The following DLG2 variants were observed in gnomAD, a reference collection of about 807,000 sequenced individuals.
The protein encoded by DLG2 is disks large homolog 2.
DLG2 carries 45 observed loss-of-function variants against 132.5 expected under a neutral mutation model. That is an observed-to-expected ratio of 0.34 (90% CI 0.27 to 0.44). The LOEUF (loss-of-function observed/expected upper bound fraction) is 0.44. Among genes scored for constraint, DLG2 ranks in the 20% least tolerant of loss-of-function variants. DLG2 has a pLI of 1.00. For synonymous variants in DLG2, 424 were observed against 419.6 expected (o/e 1.01, Z -0.13); for missense variants, 1,045 against 1,196.9 (o/e 0.87, Z 1.87).
chr11:84,476,138 C>A (rs1192027589), intron 7 of DLG2, among the ~76,000 whole-genome samples: 1 of 152,004 alleles, frequency 6.6e-6, no homozygotes, highest in Non-Finnish European at 1.5e-5. Flanking sequence ...TACATGAGTA[C>A]CCTGTTGTTC....
At chr11:85,492,339 C>T (rs936092675) in intron 3 of DLG2, among the ~76,000 whole-genome samples, 3 of 152,054 alleles carry the variant, frequency 2.0e-5, no homozygotes, top group Admixed American at 6.6e-5. Context: ...ATTGTAATTG[C>T]TATTAATTAC....
intron 6 of DLG2, among the ~76,000 whole-genome samples, chr11:84,809,609 T>A (rs1363931282): frequency 1.3e-5 from 2 of 151,990 alleles, no homozygotes; most frequent in Non-Finnish European, 2.9e-5. Context: ...CATAATCAGT[T>A]GTGTTTCTAC....
intron 19 of DLG2, among the ~76,000 whole-genome samples, chr11:83,617,806 G>A (rs1284394195): frequency 6.6e-6 from 1 of 152,144 alleles, no homozygotes; most frequent in Non-Finnish European, 1.5e-5. Context: ...AGAACAGCCT[G>A]ACCAACATGG....
chr11:85,195,545 A>T (rs2080975457), intron 4 of DLG2, among the ~76,000 whole-genome samples: 2 of 136,538 alleles, frequency 1.5e-5, no homozygotes, highest in African/African-American at 5.5e-5. Context: ...TTTTTTTGAG[A>T]CGGAGTCTCG....
intron 6 of DLG2, among the ~76,000 whole-genome samples, chr11:84,697,062 T>A (rs1254200938): frequency 1.3e-5 from 2 of 151,388 alleles, no homozygotes; most frequent in African/African-American, 4.8e-5. Context: ...AATTTTTACC[T>A]TGGGCAACGG....
chr11:84,752,025 T>C (rs550852917), intron 6 of DLG2, among the ~76,000 whole-genome samples: 1 of 152,156 alleles, frequency 6.6e-6, no homozygotes, highest in Non-Finnish European at 1.5e-5. Context: ...CACTGGAAGG[T>C]AGAAGATGGC....
intron 7 of DLG2, among the ~76,000 whole-genome samples, chr11:84,370,188 C>T (rs958797499): frequency 3.3e-5 from 5 of 152,112 alleles, no homozygotes; most frequent in African/African-American, 9.6e-5. Flanking sequence ...TTCATAGACT[C>T]GAATATATAA....
At chr11:85,041,904 G>C (rs1038539268) in intron 6 of DLG2, among the ~76,000 whole-genome samples, 10 of 151,914 alleles carry the variant, frequency 6.6e-5, no homozygotes, top group African/African-American at 2.4e-4. Flanking sequence ...GGCACACAGA[G>C]TGGTATAATG....
At chr11:83,526,741 C>T (rs982180630) in intron 21 of DLG2, among the ~76,000 whole-genome samples, 2 of 152,156 alleles carry the variant, frequency 1.3e-5, no homozygotes, top group Non-Finnish European at 2.9e-5. Context: ...AAATTGTTCC[C>T]TGTAATGAAA....
intron 7 of DLG2, among the ~76,000 whole-genome samples, chr11:84,294,440 A>G (rs2098058959): frequency 6.6e-6 from 1 of 152,138 alleles, no homozygotes; most frequent in Non-Finnish European, 1.5e-5. Context: ...TCTACTAAAA[A>G]TACAAAAATA....
At chr11:84,620,902 G>T (rs1331362031) in intron 6 of DLG2, among the ~76,000 whole-genome samples, 1 of 152,140 alleles carries the variant, frequency 6.6e-6, no homozygotes, top group Non-Finnish European at 1.5e-5. Context: ...AAATGTTGCT[G>T]CATTGTTTGC....
chr11:85,626,988 A>T (rs780831453), intron 1 of DLG2, among the ~76,000 whole-genome samples: 1 of 152,230 alleles, frequency 6.6e-6, no homozygotes. Flanking sequence ...ATTAAGGCAC[A>T]AACCAAATTT....
Position 84,099,042 on chromosome 11 carries a change from A to T in DLG2, c.630T>A (p.Asn210Lys). The T allele has an allele frequency of 6.2e-7, 1 of 1,613,098 alleles. No individual in the cohort carries two copies. The highest frequency in any genetic ancestry group is 8.5e-7 in the Non-Finnish European group (1 of 1,179,248). The change falls in exon 10 of 28, where the codon AAT (asparagine) becomes AAA (lysine). Residue 210 changes from asparagine (N) to lysine (K), a missense_variant. Coordinates refer to ENST00000376104, the MANE Select transcript of DLG2 (RefSeq NM_001142699.3). ...EFEEITLERG[N>K]SGLGFSIAGG... is the part of the protein sequence containing the mutation. ...CAGCAATACTGAATCCCAGGCCAGA[A>T]TTCCCCTATAGAAACAAAAAGCAGA...
At chr11:84,608,055 C>G (rs548588260) in intron 6 of DLG2, among the ~76,000 whole-genome samples, 16 of 152,134 alleles carry the variant, frequency 1.1e-4, no homozygotes, top group Non-Finnish European at 1.9e-4. Context: ...CCTCTAACCA[C>G]AAATTGAAGA....
intron 7 of DLG2, among the ~76,000 whole-genome samples, chr11:84,410,071 C>T (rs1469305554): frequency 1.3e-5 from 2 of 152,162 alleles, no homozygotes; most frequent in Non-Finnish European, 2.9e-5. Flanking sequence ...AACTCCTAGG[C>T]AAGAAGAGCT....
At chr11:85,302,517 G>T (rs925753376) in intron 3 of DLG2, among the ~76,000 whole-genome samples, 2 of 152,038 alleles carry the variant, frequency 1.3e-5, no homozygotes, top group Admixed American at 6.6e-5. Flanking sequence ...ACTGGTGATT[G>T]CTGAGCACCT....
intron 21 of DLG2, among the ~76,000 whole-genome samples, chr11:83,502,925 A>C (rs2094508354): frequency 6.6e-6 from 1 of 152,060 alleles, no homozygotes; most frequent in Non-Finnish European, 1.5e-5. Flanking sequence ...AGGCTTTCCT[A>C]ATTACTGTAG....
At chr11:85,096,185 A>C (rs1281181281) in intron 6 of DLG2, among the ~76,000 whole-genome samples, 1 of 152,178 alleles carries the variant, frequency 6.6e-6, no homozygotes, top group African/African-American at 2.4e-5. Flanking sequence ...GGCGGGGCCA[A>C]ATAAGGGAAT....
chr11:84,694,727 CT>C (rs2058435235), intron 6 of DLG2, among the ~76,000 whole-genome samples: 1 of 151,526 alleles, frequency 6.6e-6, no homozygotes, highest in African/African-American at 2.4e-5. Context: ...TGATTTTGAT[CT>C]GTTTATCAGA....
Sources: allele counts gnomAD v4.1 joint callset (sites outside exome capture counted in the v4.1 genomes callset), GRCh38; gene constraint gnomAD v4.1.1; transcripts MANE v1.5; gene names NCBI Gene and HGNC (gene_info 2026-07-23, HGNC 2026-07-21).